TMEM192: variants seen among roughly 807,000 people sequenced by gnomAD.
TMEM192 encodes transmembrane protein 192.
TMEM192 carries 20 observed loss-of-function variants against 26.7 expected under a neutral mutation model. The ratio of observed to expected loss-of-function variants is 0.75; its 90% CI spans 0.53 to 1.09. The LOEUF is 1.09. Ranked by LOEUF, TMEM192 falls within the 50% of genes least tolerant of loss-of-function variation. The pLI is 0.00. For missense variants in TMEM192, 304 were observed against 322.6 expected, an observed-to-expected ratio of 0.94 and a Z score of 0.44; for synonymous variants, 124 against 121.0, an observed-to-expected ratio of 1.02 and a Z score of -0.16.
intron 3 of TMEM192, among the ~76,000 whole-genome samples, chr4:165,098,622 A>T (rs1386223928): frequency 6.6e-6 from 1 of 151,840 alleles, no homozygotes; most frequent in Non-Finnish European, 1.5e-5. Context: ...TGGATTCAAA[A>T]AAAATTTTTT....
chr4:165,084,776 A>G (rs1734571951), intron 5 of TMEM192, among the ~76,000 whole-genome samples: 1 of 151,014 alleles, frequency 6.6e-6, no homozygotes, highest in Non-Finnish European at 1.5e-5. Flanking sequence ...GGGCATGTAT[A>G]GTTTTTTACA....
chr4:165,086,104 C>T (rs1420809689), intron 4 of TMEM192, among the ~76,000 whole-genome samples: 1 of 152,102 alleles, frequency 6.6e-6, no homozygotes, highest in Non-Finnish European at 1.5e-5. Flanking sequence ...ATGGAAAGTA[C>T]CTTCAATAGA....
At position 165,107,024 on chromosome 4, in the gene TMEM192, C is replaced by CT. The variant is rs999025416; in HGVS notation, c.28-3929dup. ...TAACTTCTCAGGATTTTTTTTCTCT[C>CT]TTTTTTTTTTCTTTTTTTGAGACAG... On this transcript the variant is annotated intron_variant, in intron 1 of 5. Coordinates refer to ENST00000306480, the MANE Select transcript of TMEM192 (RefSeq NM_001100389.2). Among the ~76,000 whole-genome samples, 197 of 149,222 alleles carry CT rather than the reference C, an allele frequency of 1.3e-3. 1 individual carries two copies. Among genetic ancestry groups the CT allele is most frequent in the East Asian group, 3.3e-3 (17 of 5,108 alleles).
rs567613320 is a variant in TMEM192 at position 165,092,862 on chromosome 4, A to C, written c.440-4260T>G. 2.0e-4 allele frequency among the ~76,000 whole-genome samples: 31 copies of C among 151,982 alleles called. 1 individual carries two copies. The South Asian group carries it at 6.5e-3, about 32-fold the overall frequency. On this transcript the variant is annotated intron_variant, in intron 3 of 5. Transcript: ENST00000306480. ...CATAGCTACACTGAGCTATGACAGC[A>C]CTCCAGCCTAGGCAACAGAGCGAGA...
chr4:165,110,994 G>C (rs1432347140), intron 1 of TMEM192, among the ~76,000 whole-genome samples: 1 of 152,176 alleles, frequency 6.6e-6, no homozygotes, highest in Non-Finnish European at 1.5e-5. Flanking sequence ...TGAAGGCTAG[G>C]AATCATGTTT....
rs1479731495 is a variant in TMEM192, at chr4:165,100,912, A to G, written c.175-20T>C. The G allele has an allele frequency of 8.8e-6, 14 of 1,592,462 alleles. No homozygotes were observed. Among genetic ancestry groups the G allele is most frequent in the Non-Finnish European group, 1.2e-5 (14 of 1,171,862 alleles). On this transcript the variant is annotated intron_variant, in intron 2 of 5. Transcript: ENST00000306480. Reference sequence around the variant, plus strand: ...CACGAGCTGGGGGAAAGGAGAGCAGAAAGATTAATATTCAATATTTGTAAT... The same window carrying G: ...CACGAGCTGGGGGAAAGGAGAGCAGGAAGATTAATATTCAATATTTGTAAT...
At chr4:165,102,838 T>A in intron 2 of TMEM192, 112 bp downstream of exon 2, 2 of 867,930 alleles carry the variant, frequency 2.3e-6, no homozygotes, top group Non-Finnish European at 3.2e-6. Flanking sequence ...CCTAAGAACA[T>A]GTGCCCTACA....
Position 165,112,805 on chromosome 4 carries a change from G to C in TMEM192, c.-32C>G, listed in dbSNP as rs1230770221. ...ACGCCGGAGGCCGAAGCCCTGGCCAGCCCGGCCTCTCCACCTGGACCTGTA... is the reference window on the plus strand; with the variant it reads ...ACGCCGGAGGCCGAAGCCCTGGCCACCCCGGCCTCTCCACCTGGACCTGTA... On this transcript the variant is annotated 5_prime_UTR_variant, in exon 1 of 6. Coordinates refer to ENST00000306480, the MANE Select transcript of TMEM192 (RefSeq NM_001100389.2). The C allele has an allele frequency of 6.2e-7, 1 of 1,602,118 alleles. No homozygotes were observed. Among genetic ancestry groups the C allele is most frequent in the Non-Finnish European group, 8.5e-7 (1 of 1,177,880 alleles).
At position 165,100,628 on chromosome 4, in the gene TMEM192, C is replaced by T; in HGVS notation, c.439G>A (p.Gly147Ser). 6.2e-7 allele frequency: 1 copy of T among 1,613,680 alleles called. No individual in the cohort carries two copies. Among genetic ancestry groups the T allele is most frequent in the Non-Finnish European group, 8.5e-7 (1 of 1,179,846 alleles). Residue 147 changes from glycine to serine, a missense_variant and splice_region_variant, in exon 3 of 6, where the codon GGC (glycine) becomes AGC (serine). Physicochemically the swap from Gly to Ser is moderately conservative, Grantham distance 56. Coordinates refer to ENST00000306480, the MANE Select transcript of TMEM192 (RefSeq NM_001100389.2). ...KRLALMIQSS[G>S]NTVLLLILCM... ...GTAGCTGAGAGAAAATTGGACATAC[C>T]AGAGGACTGTATCATCAACGCAAGT...
chr4:165,086,493 C>T (rs2110748444), intron 4 of TMEM192, among the ~76,000 whole-genome samples: 1 of 150,098 alleles, frequency 6.7e-6, no homozygotes, highest in Admixed American at 6.7e-5. Flanking sequence ...AACCTTGGCT[C>T]ACTGCAACCT....
chr4:165,094,984 A>T (rs1734860864), intron 3 of TMEM192, among the ~76,000 whole-genome samples: 2 of 152,096 alleles, frequency 1.3e-5, no homozygotes, highest in Admixed American at 1.3e-4. Flanking sequence ...CAAAAAAAAA[A>T]AAAAGATTCT....
At chr4:165,094,522 C>T (rs1392006365) in intron 3 of TMEM192, among the ~76,000 whole-genome samples, 5 of 151,546 alleles carry the variant, frequency 3.3e-5, no homozygotes, top group South Asian at 2.1e-4. Flanking sequence ...ACGGGTGGGG[C>T]GGTGCATGCC....
At chr4:165,093,206 C>T (rs1403841645) in intron 3 of TMEM192, among the ~76,000 whole-genome samples, 2 of 147,962 alleles carry the variant, frequency 1.4e-5, no homozygotes, top group Admixed American at 7.0e-5. Flanking sequence ...AAGTGATTCT[C>T]CTGCCGCGGC....
At chr4:165,106,563 A>G (rs1224168779) in intron 1 of TMEM192, among the ~76,000 whole-genome samples, 1 of 152,240 alleles carries the variant, frequency 6.6e-6, no homozygotes, top group Admixed American at 6.5e-5. Context: ...AACAAAGCAC[A>G]GAATAGGCGT....
chr4:165,097,572 T>TC (rs1483426032), intron 3 of TMEM192, among the ~76,000 whole-genome samples: 1 of 145,324 alleles, frequency 6.9e-6, no homozygotes, highest in Non-Finnish European at 1.5e-5. Flanking sequence ...GTGGAGCCTT[T>TC]TTTTTTTTTT....
At position 165,110,534 on chromosome 4, in the gene TMEM192, C is replaced by T. The variant is rs369410286; in HGVS notation, c.27+2213G>A. Among the ~76,000 whole-genome samples the T allele has an allele frequency of 9.9e-5, 15 of 152,158 alleles. No individual in the cohort carries two copies. The East Asian group carries it at 1.7e-3, about 18-fold the overall frequency. On this transcript the variant is annotated intron_variant, in intron 1 of 5. Coordinates refer to ENST00000306480, the MANE Select transcript of TMEM192 (RefSeq NM_001100389.2). ...CAGCCTGACCAAAATGGAGAAATCC[C>T]GTCTCTACTAAAAATACAAAATTAG...
intron 1 of TMEM192, among the ~76,000 whole-genome samples, chr4:165,112,271 C>T (rs1271831333): frequency 6.6e-6 from 1 of 152,168 alleles, no homozygotes; most frequent in African/African-American, 2.4e-5. Flanking sequence ...CACTCCAAGT[C>T]CACAGCCTCT....
chr4:165,104,594 A>G (rs1735120727), intron 1 of TMEM192, among the ~76,000 whole-genome samples: 1 of 152,102 alleles, frequency 6.6e-6, no homozygotes, highest in Non-Finnish European at 1.5e-5. Context: ...GCAGTGGCTC[A>G]ATCTCGGCTC....
intron 1 of TMEM192, among the ~76,000 whole-genome samples, chr4:165,110,283 T>C (rs1458753649): frequency 6.6e-6 from 1 of 152,212 alleles, no homozygotes; most frequent in African/African-American, 2.4e-5. Context: ...AATAACTCTA[T>C]TTCCTTTGAG....
Sources: gnomAD v4.1 joint callset for allele counts (sites outside exome capture counted in the v4.1 genomes callset) on GRCh38, gnomAD v4.1.1 for gene constraint, MANE v1.5 for transcripts, NCBI Gene and HGNC (gene_info 2026-07-23, HGNC 2026-07-21) for gene names.